SPAG16: variants seen among roughly 807,000 people sequenced by gnomAD.
SPAG16 encodes the protein sperm associated antigen 16.
A neutral mutation model predicts 80.4 loss-of-function variants in SPAG16; 86 were observed. The ratio of observed to expected loss-of-function variants is 1.07; its 90% CI spans 0.90 to 1.28. The LOEUF (loss-of-function observed/expected upper bound fraction) is 1.28, where lower values mean the gene tolerates loss of function less well. Among genes scored for constraint, SPAG16 ranks in the 50% most tolerant of loss-of-function variants. SPAG16 has a pLI of 0.00. For missense variants in SPAG16, 870 were observed against 765.3 expected (o/e 1.14, Z -1.61); for synonymous variants, 294 against 265.9 (o/e 1.11, Z -1.03).
chr2:213,368,643 C>G (rs1294652399), intron 8 of SPAG16, among the ~76,000 whole-genome samples: 1 of 152,196 alleles, frequency 6.6e-6, no homozygotes, highest in African/African-American at 2.4e-5. Context: ...TTGCAGATGA[C>G]ATGATTGTAT....
intron 13 of SPAG16, among the ~76,000 whole-genome samples, chr2:214,065,060 A>G (rs2050468457): frequency 6.6e-6 from 1 of 152,022 alleles, no homozygotes; most frequent in African/African-American, 2.4e-5. Context: ...TCTTACAATA[A>G]ACCTATAAAG....
chr2:214,236,339 G>A (rs1409993710), intron 15 of SPAG16, among the ~76,000 whole-genome samples: 1 of 152,142 alleles, frequency 6.6e-6, no homozygotes, highest in African/African-American at 2.4e-5. Context: ...AGGAAACTGG[G>A]TATGAATACA....
At chr2:214,329,458 T>C (rs1471448679) in intron 15 of SPAG16, among the ~76,000 whole-genome samples, 1 of 152,240 alleles carries the variant, frequency 6.6e-6, no homozygotes, top group Non-Finnish European at 1.5e-5. Flanking sequence ...CAGTATTGTC[T>C]GTTCTGAGAA....
chr2:214,310,101 T>G (rs1695181482), intron 15 of SPAG16, among the ~76,000 whole-genome samples: 1 of 152,174 alleles, frequency 6.6e-6, no homozygotes, highest in Admixed American at 6.5e-5. Context: ...AGCACTCTTT[T>G]TACACTGCTG....
intron 13 of SPAG16, among the ~76,000 whole-genome samples, chr2:214,095,752 T>C (rs940941694): frequency 5.3e-5 from 8 of 151,884 alleles, no homozygotes; most frequent in African/African-American, 1.5e-4. Context: ...TTATGCAAGA[T>C]GAAAAAGTTT....
chr2:213,869,241 T>A lies in SPAG16; in HGVS notation c.1214+6613T>A, dbSNP rs10188751. ...GAACTCTAGCCTGGGCAACAAGAGCTAAAGTCCATGTCAAAAAAAAAAAAT... is the reference window on the plus strand; with the variant it reads ...GAACTCTAGCCTGGGCAACAAGAGCAAAAGTCCATGTCAAAAAAAAAAAAT... On this transcript the variant is annotated intron_variant, in intron 11 of 15. Transcript: ENST00000331683. 1.5e-3 allele frequency among the ~76,000 whole-genome samples: 188 copies of A among 124,808 alleles called. 2 individuals are homozygous for A. The highest frequency in any genetic ancestry group is 5.0e-3 in the African/African-American group (165 of 32,692). 81.9% of individuals were successfully genotyped at this position (124,808 alleles called of 152,430 possible). A position where few individuals can be genotyped will look rare whatever the true frequency, so the allele number is the denominator to read the frequency against.
chr2:214,340,932 A>G (rs1697641099), intron 15 of SPAG16, among the ~76,000 whole-genome samples: 1 of 152,218 alleles, frequency 6.6e-6, no homozygotes, highest in Non-Finnish European at 1.5e-5. Flanking sequence ...ATCATCAGGT[A>G]TAGAAAGGGA....
At chr2:213,432,203 C>A (rs2070346629) in intron 9 of SPAG16, among the ~76,000 whole-genome samples, 1 of 151,958 alleles carries the variant, frequency 6.6e-6, no homozygotes, top group Non-Finnish European at 1.5e-5. Context: ...AAGATCAAAC[C>A]AAATCCAAAG....
At position 213,980,725 on chromosome 2, in the gene SPAG16, T is replaced by TATATATATATATAGAGAG. The variant is rs374274176; in HGVS notation, c.1401-33225_1401-33224insTATATATATATAGAGAGA. Among the ~76,000 whole-genome samples the TATATATATATATAGAGAG allele has an allele frequency of 1.0e-3, 105 of 103,972 alleles. 2 individuals are homozygous for TATATATATATATAGAGAG. The highest frequency in any genetic ancestry group is 2.6e-3 in the African/African-American group (52 of 20,080). The allele number at this position is 103,972 out of a possible 152,430, so 68.2% of individuals were successfully genotyped here. The stretch of plus-strand genomic sequence containing the variant: ...GTGTGTGTGTGTGTATATATATATA[T>TATATATATATATAGAGAG]AGAGAGAGAGAGAGAGAGAGAGAGA... On this transcript the variant is annotated intron_variant, in intron 12 of 15. Transcript: ENST00000331683.
At chr2:213,380,856 C>T (rs1383150875) in intron 9 of SPAG16, among the ~76,000 whole-genome samples, 1 of 152,322 alleles carries the variant, frequency 6.6e-6, no homozygotes, top group East Asian at 1.9e-4. Flanking sequence ...TTCTCCTGTT[C>T]TGGACCTCAC....
intron 8 of SPAG16, among the ~76,000 whole-genome samples, chr2:213,372,343 C>G (rs1018630601): frequency 6.6e-6 from 1 of 151,794 alleles, no homozygotes; most frequent in African/African-American, 2.4e-5. Context: ...ATTGTAAATG[C>G]TTGGTGAAGT....
intron 5 of SPAG16, among the ~76,000 whole-genome samples, chr2:213,318,651 A>T (rs946118285): frequency 6.6e-5 from 10 of 151,836 alleles, no homozygotes; most frequent in South Asian, 2.1e-4. Flanking sequence ...AAAAAATTTT[A>T]AAAAAGAAAA....
chr2:213,342,096 C>T (rs2064714216), intron 6 of SPAG16, among the ~76,000 whole-genome samples: 1 of 151,652 alleles, frequency 6.6e-6, no homozygotes, highest in South Asian at 2.1e-4. Flanking sequence ...GAGTTAAATT[C>T]CAAAGTTAGT....
intron 11 of SPAG16, among the ~76,000 whole-genome samples, chr2:213,894,218 AG>A (rs1401746978): frequency 6.6e-6 from 1 of 152,188 alleles, no homozygotes; most frequent in Non-Finnish European, 1.5e-5. Context: ...ACTTTTGTCA[AG>A]AACACATTAA....
chr2:214,195,334 T>TAGATAGATAGATAGATAGATAGATA (rs1461627655), intron 15 of SPAG16, among the ~76,000 whole-genome samples: 1 of 151,792 alleles, frequency 6.6e-6, no homozygotes, highest in South Asian at 2.1e-4. Flanking sequence ...GATAGATAGA[T>TAGATAGATAGATAGATAGATAGATA]ATTTGAGAGA....
At chr2:213,577,275 G>A (rs1157671252) in intron 10 of SPAG16, among the ~76,000 whole-genome samples, 1 of 152,044 alleles carries the variant, frequency 6.6e-6, no homozygotes, top group Non-Finnish European at 1.5e-5. Context: ...GGTCTAAATA[G>A]CTCTGCCTGA....
chr2:213,719,087 C>T (rs1280956918), intron 10 of SPAG16, among the ~76,000 whole-genome samples: 13 of 151,658 alleles, frequency 8.6e-5, no homozygotes, highest in African/African-American at 2.9e-4. Flanking sequence ...CTGGTGAGGA[C>T]GTGGAGAACC....
At chr2:213,349,059 A>G (rs1246040325) in intron 6 of SPAG16, among the ~76,000 whole-genome samples, 1 of 152,208 alleles carries the variant, frequency 6.6e-6, no homozygotes, top group East Asian at 1.9e-4. Flanking sequence ...CAATTTTTAA[A>G]AATCTCAGGG....
At chr2:213,512,090 A>G (rs370141385) in intron 10 of SPAG16, among the ~76,000 whole-genome samples, 5 of 152,158 alleles carry the variant, frequency 3.3e-5, no homozygotes, top group East Asian at 1.9e-4. Flanking sequence ...ATGGTTATCA[A>G]TGAATAACAG....
Sources: gnomAD v4.1 joint callset for allele counts (sites outside exome capture counted in the v4.1 genomes callset) on GRCh38, gnomAD v4.1.1 for gene constraint, MANE v1.5 for transcripts, NCBI Gene and HGNC (gene_info 2026-07-23, HGNC 2026-07-21) for gene names.